The following ENPP6 variants were observed in gnomAD, a reference collection of about 807,000 sequenced individuals.
ENPP6 encodes ectonucleotide pyrophosphatase/phosphodiesterase 6.
A neutral mutation model predicts 42.0 loss-of-function variants in ENPP6; 32 were observed. The ratio of observed to expected loss-of-function variants is 0.76; its 90% CI spans 0.58 to 1.02. The LOEUF (loss-of-function observed/expected upper bound fraction) is 1.02. ENPP6 is among the 50% of genes least tolerant of loss of function. ENPP6 has a pLI of 0.00. For missense variants in ENPP6, 552 were observed against 566.8 expected (o/e 0.97, Z 0.27); for synonymous variants, 213 against 216.0 (o/e 0.99, Z 0.12).
At chr4:184,216,992 G>A (rs1378414954) in intron 1 of ENPP6, 1 of 152,002 alleles carries the variant, frequency 6.6e-6, no homozygotes, top group Non-Finnish European at 1.5e-5. Flanking sequence ...TTTCTTCTCC[G>A]TATCATTTTA....
intron 1 of ENPP6, among the ~76,000 whole-genome samples, chr4:184,193,396 A>T (rs1049144823): frequency 6.6e-6 from 1 of 152,260 alleles, no homozygotes; most frequent in Non-Finnish European, 1.5e-5. Context: ...CACATATTGT[A>T]TGATTCCATG....
intron 2 of ENPP6, among the ~76,000 whole-genome samples, chr4:184,133,018 C>T (rs1300133258): frequency 6.6e-6 from 1 of 152,020 alleles, no homozygotes; most frequent in Non-Finnish European, 1.5e-5. Flanking sequence ...TGTGGAAATA[C>T]AATTTGTCTT....
intron 1 of ENPP6, among the ~76,000 whole-genome samples, chr4:184,173,532 A>C (rs957906537): frequency 1.4e-4 from 22 of 152,208 alleles, no homozygotes; most frequent in Non-Finnish European, 2.9e-4. Context: ...GCCTACTTGT[A>C]GCTGGTGCCC....
chr4:184,209,412 C>G (rs2111123529), intron 1 of ENPP6, among the ~76,000 whole-genome samples: 1 of 151,536 alleles, frequency 6.6e-6, no homozygotes, highest in Non-Finnish European at 1.5e-5. Context: ...GAGCTGAAAA[C>G]CAAGGCTCGA....
chr4:184,177,059 C>T (rs1271915680), intron 1 of ENPP6, among the ~76,000 whole-genome samples: 1 of 152,216 alleles, frequency 6.6e-6, no homozygotes, highest in Non-Finnish European at 1.5e-5. Flanking sequence ...GTCCCAAGCA[C>T]AGAGCTGTGC....
chr4:184,149,255 C>T (rs1736981657), intron 2 of ENPP6, among the ~76,000 whole-genome samples: 2 of 152,176 alleles, frequency 1.3e-5, no homozygotes, highest in African/African-American at 4.8e-5. Flanking sequence ...TTTCCCTGTG[C>T]CTGAGCCTCT....
chr4:184,170,429 CAAAAA>C (rs1561000200), intron 1 of ENPP6, among the ~76,000 whole-genome samples: 1 of 90,208 alleles, frequency 1.1e-5, no homozygotes, highest in Non-Finnish European at 2.3e-5. Flanking sequence ...GACTCTGTCT[CAAAAA>C]AGAAAAGAAG....
rs56067516 is a variant in ENPP6 at position 184,208,515 on chromosome 4, T to A, written c.241+9064A>T. 7.5e-3 allele frequency among the ~76,000 whole-genome samples: 1,143 copies of A among 152,160 alleles called. 7 individuals carry two copies. Among genetic ancestry groups the A allele is most frequent in the Non-Finnish European group, 0.013 (855 of 68,002 alleles). On this transcript the variant is annotated intron_variant, in intron 1 of 7. Coordinates refer to ENST00000296741, the MANE Select transcript of ENPP6 (RefSeq NM_153343.4). ...GAAAATCGGGTCACTCCCACCCAAA[T>A]ACTGCGCTTTTCCGACGGGCTTAAA...
chr4:184,146,848 G>T (rs1473276057), intron 2 of ENPP6, among the ~76,000 whole-genome samples: 2 of 151,944 alleles, frequency 1.3e-5, no homozygotes, highest in Non-Finnish European at 2.9e-5. Flanking sequence ...TCTCCTCCTT[G>T]GTGTCCTTTG....
At chr4:184,126,564 G>A (rs1345515183) in intron 2 of ENPP6, among the ~76,000 whole-genome samples, 1 of 152,192 alleles carries the variant, frequency 6.6e-6, no homozygotes, top group Non-Finnish European at 1.5e-5. Flanking sequence ...TGAGTGCAAA[G>A]CAACAGTTTT....
At chr4:184,209,766 C>T (rs1348739079) in intron 1 of ENPP6, among the ~76,000 whole-genome samples, 1 of 146,842 alleles carries the variant, frequency 6.8e-6, no homozygotes, top group African/African-American at 2.6e-5. Context: ...AGAAGAGCAA[C>T]TCCAAGACAC....
chr4:184,202,264 A>T (rs914237141), intron 1 of ENPP6, among the ~76,000 whole-genome samples: 6 of 152,188 alleles, frequency 3.9e-5, no homozygotes, highest in African/African-American at 1.4e-4. Context: ...CTTTACTCAG[A>T]CTTCAGAAGA....
chr4:184,093,481 T>C (rs1437007582), intron 7 of ENPP6, among the ~76,000 whole-genome samples: 1 of 151,244 alleles, frequency 6.6e-6, no homozygotes, highest in Non-Finnish European at 1.5e-5. Context: ...TCTACAAAAT[T>C]TACAAAAATT....
intron 1 of ENPP6, among the ~76,000 whole-genome samples, chr4:184,215,948 C>A (rs1449607416): frequency 6.6e-6 from 1 of 151,854 alleles, no homozygotes; most frequent in Non-Finnish European, 1.5e-5. Flanking sequence ...GTGGATCTGA[C>A]AAACAAAAGG....
chr4:184,211,792 G>T (rs1402410243), intron 1 of ENPP6, among the ~76,000 whole-genome samples: 3 of 151,544 alleles, frequency 2.0e-5, no homozygotes, highest in East Asian at 3.9e-4. Flanking sequence ...CAAAAAAAGA[G>T]AATTTTAGAC....
chr4:184,149,352 A>G (rs746789401), intron 2 of ENPP6, among the ~76,000 whole-genome samples: 46 of 152,176 alleles, frequency 3.0e-4, no homozygotes, highest in Non-Finnish European at 2.8e-4. Flanking sequence ...ATAATTCTTC[A>G]CCAATAGCCA....
At chr4:184,211,382 G>T (rs906261818) in intron 1 of ENPP6, among the ~76,000 whole-genome samples, 1 of 152,000 alleles carries the variant, frequency 6.6e-6, no homozygotes, top group Non-Finnish European at 1.5e-5. Flanking sequence ...TCAAATAGAC[G>T]CAATAAAAAA....
intron 1 of ENPP6, among the ~76,000 whole-genome samples, chr4:184,168,744 C>T (rs1307046524): frequency 6.6e-6 from 1 of 152,220 alleles, no homozygotes; most frequent in Non-Finnish European, 1.5e-5. Flanking sequence ...CTGACAGCTG[C>T]TTGTGACTGT....
intron 6 of ENPP6, among the ~76,000 whole-genome samples, chr4:184,101,217 G>A (rs4285130): frequency 0.16 from 24,563 of 151,824 alleles, 2,108 homozygotes; most frequent in African/African-American, 0.22. Flanking sequence ...GTGCATGAGT[G>A]TAAGCATGTG....
Sources: allele counts gnomAD v4.1 joint callset (sites outside exome capture counted in the v4.1 genomes callset), GRCh38; gene constraint gnomAD v4.1.1; transcripts MANE v1.5; gene names NCBI Gene and HGNC (gene_info 2026-07-23, HGNC 2026-07-21).